The following CABLES1 variants were observed in gnomAD, a reference collection of about 807,000 sequenced individuals.
CABLES1 encodes the protein CDK5 and ABL1 enzyme substrate 1.
CABLES1 carries 36 observed loss-of-function variants against 57.8 expected under a neutral mutation model. The observed-to-expected ratio is 0.62, with a 90% CI of 0.48 to 0.82. CABLES1 has a LOEUF of 0.82. Among genes scored for constraint, CABLES1 ranks in the 40% least tolerant of loss-of-function variants. The probability of loss-of-function intolerance (pLI) is 0.00; values close to 1 mark genes in which losing one functional copy is unlikely to be tolerated. For missense variants in CABLES1, 767 were observed against 836.6 expected (o/e 0.92, Z 1.03); for synonymous variants, 374 against 363.0 (o/e 1.03, Z -0.35).
intron 2 of CABLES1, among the ~76,000 whole-genome samples, chr18:23,193,198 T>C (rs901662974): frequency 6.6e-6 from 1 of 151,340 alleles, no homozygotes; most frequent in Admixed American, 6.6e-5. Flanking sequence ...ATCTTTCTTT[T>C]TTTTTTTTTT....
chr18:23,184,308 CGTGTGTGTGTGTGT>C (rs61158856), intron 1 of CABLES1, among the ~76,000 whole-genome samples: 1 of 146,326 alleles, frequency 6.8e-6, no homozygotes, highest in Admixed American at 6.8e-5. Context: ...CATACTGGCA[CGTGTGTGTGTGTGT>C]GTGTGTGTGT....
intron 3 of CABLES1, among the ~76,000 whole-genome samples, chr18:23,213,494 C>T (rs2145052499): frequency 6.6e-6 from 1 of 152,280 alleles, no homozygotes; most frequent in South Asian, 2.1e-4. Context: ...ATTCTCAGAA[C>T]CTAACATGTT....
intron 4 of CABLES1, among the ~76,000 whole-genome samples, chr18:23,217,187 TCCACCTG>T: frequency 6.6e-6 from 1 of 152,096 alleles, no homozygotes; most frequent in Non-Finnish European, 1.5e-5. Context: ...GCTCGAGCCA[TCCACCTG>T]CCTCAGTCTC....
intron 1 of CABLES1, among the ~76,000 whole-genome samples, chr18:23,162,244 A>T (rs377037330): frequency 1.3e-5 from 2 of 152,246 alleles, no homozygotes; most frequent in African/African-American, 4.8e-5. Flanking sequence ...ATAAAGGCCT[A>T]CAATTTTAAA....
intron 1 of CABLES1, among the ~76,000 whole-genome samples, chr18:23,144,930 T>C (rs1162512243): frequency 6.6e-6 from 1 of 151,800 alleles, no homozygotes; most frequent in Non-Finnish European, 1.5e-5. Context: ...TCCTTTTTTT[T>C]TTTCTTTCTT....
At chr18:23,176,782 T>C (rs1055566403) in intron 1 of CABLES1, among the ~76,000 whole-genome samples, 1 of 152,134 alleles carries the variant, frequency 6.6e-6, no homozygotes, top group African/African-American at 2.4e-5. Flanking sequence ...CTATAGATAA[T>C]TGCATGCAGT....
intron 7 of CABLES1, among the ~76,000 whole-genome samples, chr18:23,250,524 G>A (rs1199435221): frequency 6.6e-6 from 1 of 152,202 alleles, no homozygotes; most frequent in East Asian, 1.9e-4. Context: ...GGAGACATTT[G>A]TTGGAGATGA....
rs1005595290 is a variant in CABLES1 at position 23,240,759 on chromosome 18, C to A, written c.1446+3514C>A. On this transcript the variant is annotated intron_variant, in intron 7 of 9. Transcript: ENST00000256925. ...TCCAATGTGGCCAGCCCAGCAGAGG[C>A]GCCCACCTGAAATCCTGGGACTGTC... Among the ~76,000 whole-genome samples, 3 of 152,230 alleles carry A rather than the reference C, an allele frequency of 2.0e-5. No homozygotes were observed. The East Asian group carries it at 5.8e-4, about 29-fold the overall frequency.
chr18:23,163,901 T>C (rs2047022708), intron 1 of CABLES1, among the ~76,000 whole-genome samples: 1 of 152,198 alleles, frequency 6.6e-6, no homozygotes, highest in African/African-American at 2.4e-5. Flanking sequence ...TAAAAAATAT[T>C]AACATATATA....
chr18:23,163,278 AG>A (rs1426905927), intron 1 of CABLES1, among the ~76,000 whole-genome samples: 1 of 152,140 alleles, frequency 6.6e-6, no homozygotes, highest in Non-Finnish European at 1.5e-5. Context: ...GATTTAAGGA[AG>A]GCACTTGGCT....
chr18:23,191,491 G>A (rs2047242471), intron 2 of CABLES1, among the ~76,000 whole-genome samples: 1 of 152,074 alleles, frequency 6.6e-6, no homozygotes, highest in South Asian at 2.1e-4. Flanking sequence ...AGCCTTCTCT[G>A]GTCTGTGAAA....
intron 6 of CABLES1, among the ~76,000 whole-genome samples, 196 bp downstream of exon 6, chr18:23,236,247 A>C (rs2047610404): frequency 6.6e-6 from 1 of 152,200 alleles, no homozygotes; most frequent in African/African-American, 2.4e-5. Context: ...CAGATGACCC[A>C]GTCGTTGACA....
chr18:23,246,447 A>G (rs1333717430), intron 7 of CABLES1, among the ~76,000 whole-genome samples: 1 of 151,852 alleles, frequency 6.6e-6, no homozygotes, highest in Non-Finnish European at 1.5e-5. Flanking sequence ...GCTGAAGTGC[A>G]GTGGCAAGAT....
In CABLES1 at chr18:23,237,919, C is replaced by T. The variant is rs561524721; in HGVS notation, c.1446+674C>T. Among the ~76,000 whole-genome samples the T allele has an allele frequency of 6.6e-5, 10 of 152,024 alleles. No individual in the cohort carries two copies. In the East Asian group the frequency reaches 7.8e-4, roughly 12 times the overall value. On this transcript the variant is annotated intron_variant, in intron 7 of 9. Coordinates refer to ENST00000256925, the MANE Select transcript of CABLES1 (RefSeq NM_001100619.3). ...CTGACTCTTGCGGCAAGCAGAGCCC[C>T]GCCTGCTGTGGGAGGAGGGGGAGCT... is the stretch of plus-strand genomic sequence containing the variant.
intron 1 of CABLES1, among the ~76,000 whole-genome samples, chr18:23,162,175 A>G (rs199986874): frequency 2.1e-5 from 1 of 46,544 alleles, no homozygotes; most frequent in South Asian, 7.8e-4. Flanking sequence ...CAAAAAAAAA[A>G]CAACAAAGAG....
chr18:23,213,791 C>T (rs2145052874), intron 3 of CABLES1, among the ~76,000 whole-genome samples, 186 bp from the exon 4 acceptor site: 1 of 152,278 alleles, frequency 6.6e-6, no homozygotes, highest in Admixed American at 6.5e-5. Flanking sequence ...GGAGAGGCAG[C>T]CCACTTCTGC....
intron 4 of CABLES1, among the ~76,000 whole-genome samples, chr18:23,233,420 C>T (rs1409151107): frequency 6.6e-6 from 1 of 152,158 alleles, no homozygotes; most frequent in Non-Finnish European, 1.5e-5. Context: ...GTCCTGGTGA[C>T]CTTGGCAATC....
intron 1 of CABLES1, among the ~76,000 whole-genome samples, chr18:23,174,598 A>C (rs1023954864): frequency 6.6e-6 from 1 of 151,386 alleles, no homozygotes; most frequent in African/African-American, 2.4e-5. Context: ...CAGCCTCCCG[A>C]GTAGCTGGGA....
chr18:23,206,170 C>G (rs1490138460), intron 3 of CABLES1, among the ~76,000 whole-genome samples: 2 of 152,200 alleles, frequency 1.3e-5, no homozygotes, highest in Admixed American at 6.5e-5. Flanking sequence ...GTCCTCCCGC[C>G]CCGTCCCAGA....
Sources: gnomAD v4.1 joint callset for allele counts (sites outside exome capture counted in the v4.1 genomes callset) on GRCh38, gnomAD v4.1.1 for gene constraint, MANE v1.5 for transcripts, NCBI Gene and HGNC (gene_info 2026-07-23, HGNC 2026-07-21) for gene names.